The following ANO8 variants were observed in gnomAD, a reference collection of about 807,000 sequenced individuals.
The protein encoded by ANO8 is anoctamin-8.
A neutral mutation model predicts 120.4 loss-of-function variants in ANO8; 67 were observed. The ratio of observed to expected loss-of-function variants is 0.56; its 90% CI spans 0.46 to 0.68. The LOEUF (loss-of-function observed/expected upper bound fraction) is 0.68. ANO8 is among the 30% of genes least tolerant of loss of function. The probability of loss-of-function intolerance (pLI) is 0.00; values close to 1 mark genes in which losing one functional copy is unlikely to be tolerated. For missense variants in ANO8, 1,526 were observed against 1,737.6 expected (o/e 0.88, Z 2.16); for synonymous variants, 727 against 759.2 (o/e 0.96, Z 0.70).
rs758464904 is a variant in ANO8 at position 17,330,367 on chromosome 19, G to A, written c.1131C>T (p.Gly377=). 1.9e-5 allele frequency: 31 copies of A among 1,598,448 alleles called. No individual in the cohort carries two copies. In the East Asian group the frequency reaches 5.4e-4, roughly 28 times the overall value. ...CLVCVFLLML[G]CFQLQELVLS... Reference sequence around the variant, plus strand: ...GGGGGGTCACCTGCAGCTGGAAGCAGCCAAGCATGAGCAAGAAGACACAGA... The same window carrying A: ...GGGGGGTCACCTGCAGCTGGAAGCAACCAAGCATGAGCAAGAAGACACAGA... The change falls in exon 9 of 18, where the codon GGC becomes GGT. Residue 377 remains glycine (G), a synonymous_variant. Transcript: ENST00000159087.
At chr19:17,330,677 C>T (rs963619630) in intron 8 of ANO8, 151 bp downstream of exon 8, 3 of 1,401,616 alleles carry the variant, frequency 2.1e-6, no homozygotes, top group African/African-American at 2.9e-5. Context: ...CCACCTCTCC[C>T]CCTGGGGAGC....
At position 17,334,595 on chromosome 19, in the gene ANO8, C is replaced by T. The variant is rs544122035; in HGVS notation, c.76G>A (p.Glu26Lys). 13 of 1,548,082 alleles carry T rather than the reference C, an allele frequency of 8.4e-6. No homozygotes were observed. The highest frequency in any genetic ancestry group is 5.9e-5 in the South Asian group (5 of 85,452). Residue 26 changes from glutamate (E) to lysine (K), a missense_variant, in exon 1 of 18, where the codon GAG becomes AAG. By Grantham distance (56) the Glu-to-Lys change is moderately conservative. Transcript: ENST00000159087. ...ERGKRPPPEG[E>K]PAAPASGVLD... is the part of the protein sequence containing the mutation. ...ACTCCGGACGCCGGGGCTGCAGGCT[C>T]GCCCTCCGGCGGGGGCCTCTTGCCA...
chr19:17,328,229 G>T lies in ANO8; in HGVS notation c.2159C>A (p.Pro720Gln). 1 of 1,606,876 alleles carries T rather than the reference G, an allele frequency of 6.2e-7. No individual in the cohort carries two copies. Reference protein sequence around the residue: ...RRQNRSSWIDPPEEEHSPQLT... With the variant: ...RRQNRSSWIDQPEEEHSPQLT... Reference sequence around the variant, plus strand: ...CTGGGGCGAGTGTTCCTCCTCCGGCGGGTCAATCCAAGACGACCGGTTCTG... The same window carrying T: ...CTGGGGCGAGTGTTCCTCCTCCGGCTGGTCAATCCAAGACGACCGGTTCTG... Residue 720 changes from proline (P) to glutamine (Q), a missense_variant, in exon 13 of 18, where the codon CCG becomes CAG. Physicochemically the swap from Pro to Gln is moderately conservative, Grantham distance 76. This residue lies in a region of ANO8 where 467 missense variants were observed against 425.8 expected (regional missense o/e 1.10). Transcript: ENST00000159087.
At chr19:17,331,706 G>C (rs1450926134) in intron 5 of ANO8, among the ~76,000 whole-genome samples, 1 of 151,408 alleles carries the variant, frequency 6.6e-6, no homozygotes, top group African/African-American at 2.4e-5. Flanking sequence ...GAGTGCAGTG[G>C]CGTGATCTCC....
At chr19:17,329,201 C>T (rs1056736412) in intron 12 of ANO8, 11 of 476,214 alleles carry the variant, frequency 2.3e-5, no homozygotes, top group Non-Finnish European at 3.7e-5. Context: ...TCGCCCACCT[C>T]ACGGGCAGGC....
At chr19:17,326,178 G>A (rs546663963) in intron 16 of ANO8, among the ~76,000 whole-genome samples, 6 of 152,154 alleles carry the variant, frequency 3.9e-5, no homozygotes, top group Admixed American at 2.0e-4. Context: ...AGCCTCAACC[G>A]ATCCCCTGCT....
In ANO8 at chr19:17,330,846, C is replaced by G. The variant is rs2074312325; in HGVS notation, c.975G>C (p.Glu325Asp). The change falls in exon 8 of 18, where the codon GAG becomes GAC. Residue 325 changes from glutamate to aspartate, a missense_variant. This residue lies in a region of ANO8 where 322 missense variants were observed against 431.8 expected (regional missense o/e 0.75). Coordinates refer to ENST00000159087, the MANE Select transcript of ANO8 (RefSeq NM_020959.3). ...AACTGACCCTGAACTGGGGGCGTGG[C>G]TCCTCCACGGCTTCCCCAGGTGAGT... The part of the protein sequence containing the change: ...TLDSPGEAVE[E>D]PRPQFRGVRR... The G allele has an allele frequency of 6.2e-7, 1 of 1,613,938 alleles. No homozygotes were observed.
At position 17,328,499 on chromosome 19, in the gene ANO8, C is replaced by T; in HGVS notation, c.1889G>A (p.Gly630Asp). 1 of 1,556,248 alleles carries T rather than the reference C, an allele frequency of 6.4e-7. No individual in the cohort carries two copies. Among genetic ancestry groups the T allele is most frequent in the East Asian group, 2.4e-5 (1 of 41,864 alleles). Reference sequence around the variant, plus strand: ...CTCCAGGAGGGCCTCCGGGCTTGGGCCGGGCCGACGCCGCCCCGCGCCGCG... The same window carrying T: ...CTCCAGGAGGGCCTCCGGGCTTGGGTCGGGCCGACGCCGCCCCGCGCCGCG... Reference protein sequence around the residue: ...AERGAGRRRPGPSPEALLEEG... With the variant: ...AERGAGRRRPDPSPEALLEEG... The change falls in exon 13 of 18, where the codon GGC (glycine) becomes GAC (aspartate). Residue 630 changes from glycine to aspartate, a missense_variant. Gly to Asp is a moderately conservative substitution (Grantham distance 94). This residue lies in a region of ANO8 where 467 missense variants were observed against 425.8 expected (regional missense o/e 1.10). Coordinates refer to ENST00000159087, the MANE Select transcript of ANO8 (RefSeq NM_020959.3).
rs758626714 is a variant in ANO8 at position 17,333,001 on chromosome 19, C to T, written c.515G>A (p.Trp172Ter). 6.2e-7 allele frequency: 1 copy of T among 1,614,160 alleles called. No individual in the cohort carries two copies. Residue 172 changes from tryptophan (W) to a stop codon, truncating the protein, a stop_gained, in exon 5 of 18, where the codon TGG (tryptophan) becomes TAG (stop). Transcript: ENST00000159087. LOFTEE classifies it high-confidence loss of function. This position sits in a 1 kb window ranked among gnomAD's most constrained non-coding sequence, Gnocchi z 7.2. ...CTGCTTGGCACGCAAATTCTGCAGC[C>T]AGAAGCGGATGATGCTCTGGCGTTC... ...SQERQSIIRF[W>*]LQNLRAKQGE...
chr19:17,333,215 C>A lies in ANO8; in HGVS notation c.375G>T (p.Leu125=). ...CGGCCTTCACTGCTTTGCGCAGACC[C>A]AGCTCGTCGGCCCCTCGGAGTAGGC... ...YESLLRGADE[L]GLRKAVKAEF... is the part of the protein sequence containing the mutation. Residue 125 remains leucine (L), a synonymous_variant, in exon 4 of 18, where the codon CTG becomes CTT. Coordinates refer to ENST00000159087, the MANE Select transcript of ANO8 (RefSeq NM_020959.3). The surrounding 1 kb of genome is among the most constrained non-coding windows in gnomAD (Gnocchi z 7.2). The A allele has an allele frequency of 6.2e-7, 1 of 1,610,428 alleles. No individual in the cohort carries two copies. The highest frequency in any genetic ancestry group is 2.2e-5 in the East Asian group (1 of 44,702).
rs1209121276 is a variant in ANO8 at position 17,329,775 on chromosome 19, G to A, written c.1386C>T (p.Asp462=). The A allele has an allele frequency of 3.7e-6, 6 of 1,613,006 alleles. No homozygotes were observed. The highest frequency in any genetic ancestry group is 5.1e-6 in the Non-Finnish European group (6 of 1,179,732). The part of the protein sequence containing the change: ...SLFYIGFYLK[D]MERLKEMLAT... ...GTCTCACCTCTTTCAAGCGCTCCAT[G>A]TCCTTGAGGTAGAAACCGATGTAGA... Residue 462 remains aspartate, a synonymous_variant, in exon 12 of 18, where the codon GAC becomes GAT. Transcript: ENST00000159087.
At chr19:17,325,932 A>C (rs965453156) in intron 16 of ANO8, among the ~76,000 whole-genome samples, 41 of 152,294 alleles carry the variant, frequency 2.7e-4, no homozygotes, top group African/African-American at 9.9e-4. Context: ...CTCAAAAAAG[A>C]GAAAAAGAAA....
At chr19:17,332,255 T>C (rs149036094) in intron 5 of ANO8, among the ~76,000 whole-genome samples, 2 of 67,620 alleles carry the variant, frequency 3.0e-5, no homozygotes, top group Non-Finnish European at 3.1e-5. Flanking sequence ...CTTTATTTAT[T>C]TATTTGTTTG....
rs1412541111 is a variant in ANO8, at chr19:17,328,360, G to C, written c.2028C>G (p.Ala676=). The C allele has an allele frequency of 7.6e-6, 12 of 1,575,784 alleles. No individual in the cohort carries two copies. In the Admixed American group the frequency reaches 2.2e-4, roughly 29 times the overall value. The change falls in exon 13 of 18, where the codon GCC becomes GCG. Residue 676 remains alanine, a synonymous_variant. Transcript: ENST00000159087. The part of the protein sequence containing the change: ...APGSPEREPP[A]ILFRRAGGEG... Reference sequence around the variant, plus strand: ...CGCCCCCGGCCCGGCGGAACAAGATGGCCGGGGGCTCCCGTTCAGGGCTGC... The same window carrying C: ...CGCCCCCGGCCCGGCGGAACAAGATCGCCGGGGGCTCCCGTTCAGGGCTGC...
intron 16 of ANO8, among the ~76,000 whole-genome samples, chr19:17,326,102 TCAACTCTGTCC>T (rs1239425401): frequency 6.6e-6 from 1 of 152,150 alleles, no homozygotes; most frequent in African/African-American, 2.4e-5. Flanking sequence ...TCACTGGCCA[TCAACTCTGTCC>T]CCGGCTGTGT....
intron 13 of ANO8, 43 bp downstream of exon 13, chr19:17,328,119 C>A: frequency 6.7e-7 from 1 of 1,483,414 alleles, no homozygotes; most frequent in South Asian, 1.3e-5. Flanking sequence ...TGTCCCGTCC[C>A]CGGCGAGGCC....
rs1321040945 is a variant in ANO8, at chr19:17,333,817, C to G, written c.107-17G>C. On this transcript the variant is annotated splice_polypyrimidine_tract_variant and intron_variant, in intron 1 of 17. Transcript: ENST00000159087. This position sits in a 1 kb window ranked among gnomAD's most constrained non-coding sequence, Gnocchi z 7.2. ...AAAGCTTATCTAGGGGGCGGCGTAG[C>G]AGGCCCGGGTCAGGCCACTCTGGGA... 6.4e-7 allele frequency: 1 copy of G among 1,565,638 alleles called. No individual in the cohort carries two copies. The highest frequency in any genetic ancestry group is 1.2e-5 in the South Asian group (1 of 85,372).
chr19:17,328,512 GCCC>G lies in ANO8; in HGVS notation c.1873_1875del (p.Gly625del). On this transcript the variant is annotated inframe_deletion, in exon 13 of 18. Transcript: ENST00000159087. The stretch of plus-strand genomic sequence containing the variant: ...TCCGGGCTTGGGCCGGGCCGACGCC[GCCC>G]CGCGCCGCGCTCAGCGAAGCTGACC... The G allele has an allele frequency of 6.4e-7, 1 of 1,552,104 alleles. No homozygotes were observed. The highest frequency in any genetic ancestry group is 8.7e-7 in the Non-Finnish European group (1 of 1,150,380).
In ANO8 at chr19:17,333,857, C is replaced by T; in HGVS notation, c.107-57G>A. The T allele has an allele frequency of 7.0e-7, 1 of 1,433,898 alleles. No homozygotes were observed. The highest frequency in any genetic ancestry group is 2.0e-5 in the Admixed American group (1 of 50,810). 88.8% of individuals were successfully genotyped at this position (1,433,898 alleles called of 1,614,324 possible). ...CCACTCTGGGATCCGGACCCGGCCT[C>T]CAGTCTTGGCTCCTCCTGCCCCCGC... is the stretch of plus-strand genomic sequence containing the variant. On this transcript the variant is annotated intron_variant, in intron 1 of 17. Transcript: ENST00000159087. This position sits in a 1 kb window ranked among gnomAD's most constrained non-coding sequence, Gnocchi z 7.2.
Sources: gnomAD v4.1 joint callset for allele counts (sites outside exome capture counted in the v4.1 genomes callset) on GRCh38, gnomAD v4.1.1 for gene constraint, gnomAD v4.1.1 regional missense constraint, Gnocchi (gnomAD v3.1) non-coding constraint, MANE v1.5 for transcripts, NCBI Gene and HGNC (gene_info 2026-07-23, HGNC 2026-07-21) for gene names.